The following TOP2B variants were observed in gnomAD, a reference collection of about 807,000 sequenced individuals.
TOP2B encodes the protein DNA topoisomerase II beta, also known as DNA topoisomerase 2-beta.
In TOP2B, 51 loss-of-function variants were observed where a neutral mutation model predicts 193.5. The observed-to-expected ratio is 0.26, with a 90% CI of 0.21 to 0.33. The LOEUF (loss-of-function observed/expected upper bound fraction) is 0.33. Among genes scored for constraint, TOP2B ranks in the 10% least tolerant of loss-of-function variants. The pLI, the probability that TOP2B is intolerant of heterozygous loss-of-function variation, is 1.00. For synonymous variants in TOP2B, 634 were observed against 635.7 expected, an observed-to-expected ratio of 1.00 and a Z score of 0.04; for missense variants, 1,378 against 1,909.3, an observed-to-expected ratio of 0.72 and a Z score of 5.19.
chr3:25,663,216 ACTCACCCAAAC>A (rs1703969217), intron 1 of TOP2B, among the ~76,000 whole-genome samples: 1 of 152,172 alleles, frequency 6.6e-6, no homozygotes, highest in African/African-American at 2.4e-5. Context: ...TTGCTATTCA[ACTCACCCAAAC>A]CTCACCCAAA....
intron 23 of TOP2B, 65 bp downstream of exon 23, chr3:25,619,797 A>G: frequency 8.0e-7 from 1 of 1,252,780 alleles, no homozygotes; most frequent in Non-Finnish European, 1.1e-6. Flanking sequence ...TCATGAAACC[A>G]ATTATAATAA....
chr3:25,644,945 G>A (rs1703372873), intron 2 of TOP2B, among the ~76,000 whole-genome samples: 3 of 150,612 alleles, frequency 2.0e-5, no homozygotes, highest in South Asian at 2.1e-4. Context: ...ACAGGCGCCC[G>A]CCACCACACC....
chr3:25,614,171 G>C (rs908528989), intron 27 of TOP2B, among the ~76,000 whole-genome samples: 1 of 152,172 alleles, frequency 6.6e-6, no homozygotes, highest in African/African-American at 2.4e-5. Context: ...AATTAAAAGT[G>C]AAAGAGTATT....
intron 1 of TOP2B, among the ~76,000 whole-genome samples, chr3:25,646,520 T>C (rs1703419778): frequency 6.6e-6 from 1 of 152,222 alleles, no homozygotes; most frequent in Admixed American, 6.5e-5. Context: ...ACTTCTCTCC[T>C]TCTGGGATTC....
chr3:25,662,088 T>G (rs1009070388), intron 1 of TOP2B, among the ~76,000 whole-genome samples: 2 of 152,216 alleles, frequency 1.3e-5, no homozygotes, highest in Admixed American at 6.5e-5. Context: ...ATTATTTGAG[T>G]GTGCATTTCT....
Position 25,660,376 on chromosome 3 carries a change from T to A in TOP2B, c.69+3853A>T, listed in dbSNP as rs114202349. ...TTGTAATATTAAGGCAAAGTTATCA[T>A]GCATGAAAGTTACATAAAAAATAAA... is the stretch of plus-strand genomic sequence containing the variant. On this transcript the variant is annotated intron_variant, in intron 1 of 35. Coordinates refer to ENST00000264331, the MANE Select transcript of TOP2B (RefSeq NM_001330700.2). Among the ~76,000 whole-genome samples, 458 of 152,330 alleles carry A rather than the reference T, an allele frequency of 3.0e-3. 3 individuals are homozygous for A. Among genetic ancestry groups the A allele is most frequent in the Middle Eastern group, 0.017 (5 of 294 alleles).
intron 1 of TOP2B, among the ~76,000 whole-genome samples, chr3:25,650,522 T>C (rs1434116562): frequency 1.3e-5 from 2 of 152,240 alleles, no homozygotes; most frequent in Non-Finnish European, 2.9e-5. Context: ...GTTTAAAATT[T>C]CCATTAAAAG....
chr3:25,625,655 G>A (rs1313397486), intron 18 of TOP2B, among the ~76,000 whole-genome samples: 1 of 152,030 alleles, frequency 6.6e-6, no homozygotes, highest in Non-Finnish European at 1.5e-5. Flanking sequence ...TTTACATGTG[G>A]CCCAAGACAA....
intron 8 of TOP2B, among the ~76,000 whole-genome samples, chr3:25,633,416 C>A (rs1178957222): frequency 2.0e-5 from 3 of 152,096 alleles, no homozygotes; most frequent in Admixed American, 2.0e-4. Context: ...CCTCTTGGCA[C>A]CTCAAATGTA....
At chr3:25,616,401 T>C (rs911352032) in intron 25 of TOP2B, among the ~76,000 whole-genome samples, 4 of 119,950 alleles carry the variant, frequency 3.3e-5, no homozygotes, top group African/African-American at 1.3e-4. Context: ...TTACTTTTGG[T>C]AACCAAAAGA....
At chr3:25,637,404 C>A in intron 5 of TOP2B, 92 bp from the exon 6 acceptor site, 1 of 804,526 alleles carries the variant, frequency 1.2e-6, no homozygotes, top group African/African-American at 1.7e-5. Context: ...TGTTGCAAAA[C>A]TGTTCCACTA....
intron 24 of TOP2B, 71 bp from the exon 25 acceptor site, chr3:25,618,580 T>C: frequency 1.3e-6 from 2 of 1,530,574 alleles, no homozygotes; most frequent in Non-Finnish European, 1.8e-6. Flanking sequence ...ATTCTACTGA[T>C]AAAAATGTCT....
At chr3:25,626,232 T>A (rs926432042) in intron 18 of TOP2B, among the ~76,000 whole-genome samples, 1 of 152,132 alleles carries the variant, frequency 6.6e-6, no homozygotes, top group Non-Finnish European at 1.5e-5. Context: ...CTCTGATAAA[T>A]ATTTTAGAAA....
chr3:25,639,315 T>C (rs1355923838), intron 4 of TOP2B, among the ~76,000 whole-genome samples: 1 of 152,228 alleles, frequency 6.6e-6, no homozygotes, highest in African/African-American at 2.4e-5. Flanking sequence ...ACGTTTGTTT[T>C]TGTTTTTGTT....
intron 30 of TOP2B, among the ~76,000 whole-genome samples, chr3:25,607,645 T>C (rs1245544147): frequency 6.6e-6 from 1 of 152,194 alleles, no homozygotes; most frequent in Admixed American, 6.5e-5. Flanking sequence ...ATATACTTAA[T>C]AATTAATCAA....
chr3:25,622,909 G>C (rs542627125), intron 21 of TOP2B, among the ~76,000 whole-genome samples: 1 of 152,200 alleles, frequency 6.6e-6, no homozygotes, highest in East Asian at 1.9e-4. Context: ...CCAAAGTGCT[G>C]GGATTACAGG....
At chr3:25,651,673 C>T (rs889029155) in intron 1 of TOP2B, among the ~76,000 whole-genome samples, 1 of 152,062 alleles carries the variant, frequency 6.6e-6, no homozygotes, top group Non-Finnish European at 1.5e-5. Context: ...AAGAGACCAG[C>T]ATGGCCAATA....
chr3:25,619,457 C>T (rs1186239263), intron 23 of TOP2B, among the ~76,000 whole-genome samples: 1 of 152,028 alleles, frequency 6.6e-6, no homozygotes, highest in Non-Finnish European at 1.5e-5. Context: ...AAAGTTTCTA[C>T]CTTCCTCCCC....
intron 33 of TOP2B, among the ~76,000 whole-genome samples, chr3:25,603,708 T>C (rs1030640341): frequency 2.6e-5 from 4 of 152,172 alleles, no homozygotes; most frequent in Non-Finnish European, 5.9e-5. Context: ...AGGCAGCCAG[T>C]AATAGGTAAG....
Sources: gnomAD v4.1 joint callset for allele counts (sites outside exome capture counted in the v4.1 genomes callset) on GRCh38, gnomAD v4.1.1 for gene constraint, MANE v1.5 for transcripts, NCBI Gene and HGNC (gene_info 2026-07-23, HGNC 2026-07-21) for gene names.